PLEKHA5: variants seen among roughly 807,000 people sequenced by gnomAD.
PLEKHA5 encodes the protein pleckstrin homology domain-containing family A member 5.
Under a neutral mutation model 181.9 loss-of-function variants are expected in PLEKHA5, and 55 were observed. The observed-to-expected ratio is 0.30, with a 90% confidence interval of 0.24 to 0.38. The LOEUF (loss-of-function observed/expected upper bound fraction) is 0.38. PLEKHA5 is among the 10% of genes least tolerant of loss of function. PLEKHA5 has a pLI of 1.00. For missense variants in PLEKHA5, 1,432 were observed against 1,549.5 expected, an observed-to-expected ratio of 0.92 and a Z score of 1.27; for synonymous variants, 535 against 529.4, an observed-to-expected ratio of 1.01 and a Z score of -0.15.
Position 19,287,563 on chromosome 12 carries a change from A to G in PLEKHA5, c.1863+7A>G, listed in dbSNP as rs2077485969. The G allele has an allele frequency of 3.4e-6, 5 of 1,479,052 alleles. No homozygotes were observed. Among genetic ancestry groups the G allele is most frequent in the Non-Finnish European group, 4.7e-6 (5 of 1,060,420 alleles). 91.6% of individuals were successfully genotyped at this position (1,479,052 alleles called of 1,614,324 possible). On this transcript the variant is annotated splice_region_variant and intron_variant, in intron 13 of 31. Transcript: ENST00000429027. Reference sequence around the variant, plus strand: ...GAGCCTCCAAGGGAAAACGGTGAGTAATATCTTTATTTACCATACCATGTT... The same window carrying G: ...GAGCCTCCAAGGGAAAACGGTGAGTGATATCTTTATTTACCATACCATGTT...
intron 15 of PLEKHA5, 131 bp from the exon 16 acceptor site, chr12:19,314,683 A>G (rs147801060): frequency 1.5e-5 from 10 of 682,708 alleles, no homozygotes; most frequent in Non-Finnish European, 2.7e-5. Context: ...CTGTACAACC[A>G]TGGGGTAAAA....
Position 19,356,753 on chromosome 12 carries a change from C to T in PLEKHA5, c.3139-1475C>T, listed in dbSNP as rs373287956. On this transcript the variant is annotated intron_variant, in intron 26 of 31. Transcript: ENST00000429027. The stretch of plus-strand genomic sequence containing the variant: ...TCAGCTCATTGCAACCTCTGCCTCC[C>T]GGGTTCAAATGATTCTCCTGCCTCG... Among the ~76,000 whole-genome samples the T allele has an allele frequency of 2.3e-3, 352 of 150,244 alleles. 6 individuals are homozygous for T. In the South Asian group the frequency reaches 0.029, roughly 12 times the overall value.
chr12:19,154,157 GTT>G (rs777708009), intron 3 of PLEKHA5: 25 of 151,942 alleles, frequency 1.6e-4, no homozygotes, highest in Non-Finnish European at 1.5e-5. Context: ...GCCTTTATCT[GTT>G]TTGTCTGATT....
intron 3 of PLEKHA5, chr12:19,200,640 A>C: frequency 9.1e-7 from 1 of 1,094,596 alleles, no homozygotes; most frequent in African/African-American, 1.6e-5. Flanking sequence ...TCTTCAATCC[A>C]AATCTGTCTG....
At chr12:19,351,396 T>TA (rs1815609509) in intron 25 of PLEKHA5, among the ~76,000 whole-genome samples, 1 of 152,106 alleles carries the variant, frequency 6.6e-6, no homozygotes, top group Non-Finnish European at 1.5e-5. Context: ...AAAATGTATT[T>TA]AGCTTTTTTT....
At chr12:19,284,126 A>G (rs537675746) in intron 12 of PLEKHA5, among the ~76,000 whole-genome samples, 2 of 152,010 alleles carry the variant, frequency 1.3e-5, no homozygotes, top group African/African-American at 4.8e-5. Flanking sequence ...TGGAATGCAG[A>G]GGCATAATCT....
chr12:19,293,251 A>C (rs958764040), intron 15 of PLEKHA5, among the ~76,000 whole-genome samples: 4 of 152,250 alleles, frequency 2.6e-5, no homozygotes, highest in Non-Finnish European at 4.4e-5. Flanking sequence ...ATTTTGCATT[A>C]GGATAACCCT....
intron 10 of PLEKHA5, among the ~76,000 whole-genome samples, chr12:19,273,145 G>A (rs1180805711): frequency 3.9e-5 from 6 of 152,028 alleles, no homozygotes; most frequent in African/African-American, 1.4e-4. Context: ...CTGATCTTAG[G>A]TGATCCACCC....
chr12:19,165,110 A>G (rs1156768998), intron 3 of PLEKHA5, among the ~76,000 whole-genome samples: 2 of 152,014 alleles, frequency 1.3e-5, no homozygotes, highest in East Asian at 1.9e-4. Flanking sequence ...ACACTCACCC[A>G]CTCAAATTAT....
chr12:19,258,806 C>A (rs1410090321), intron 6 of PLEKHA5, among the ~76,000 whole-genome samples: 1 of 152,018 alleles, frequency 6.6e-6, no homozygotes, highest in Non-Finnish European at 1.5e-5. Context: ...CCTCAAATGA[C>A]CACCCACCTT....
chr12:19,133,658 C>T (rs2034697711), intron 3 of PLEKHA5, among the ~76,000 whole-genome samples: 1 of 151,798 alleles, frequency 6.6e-6, no homozygotes, highest in Non-Finnish European at 1.5e-5. Flanking sequence ...ACGTCAAGGG[C>T]TTTTTTATAA....
chr12:19,354,177 A>T, intron 26 of PLEKHA5, among the ~76,000 whole-genome samples, 175 bp downstream of exon 26: 1 of 42,146 alleles, frequency 2.4e-5, no homozygotes. Flanking sequence ...TTTGAGACGG[A>T]GTCTCGCTCT....
chr12:19,198,257 T>C (rs1302191793), intron 3 of PLEKHA5, among the ~76,000 whole-genome samples: 1 of 152,200 alleles, frequency 6.6e-6, no homozygotes, highest in East Asian at 1.9e-4. Flanking sequence ...CTAACCCTAG[T>C]TGACTTTTCT....
chr12:19,226,430 GT>G, intron 3 of PLEKHA5, among the ~76,000 whole-genome samples: 1 of 152,236 alleles, frequency 6.6e-6, no homozygotes, highest in Non-Finnish European at 1.5e-5. Flanking sequence ...TTGAATACCT[GT>G]TTTTAATTAT....
chr12:19,364,370 G>T (rs142884038), intron 29 of PLEKHA5, among the ~76,000 whole-genome samples: 1 of 151,922 alleles, frequency 6.6e-6, no homozygotes, highest in African/African-American at 2.4e-5. Flanking sequence ...AATTATCCGG[G>T]CATAGTGGTA....
intron 3 of PLEKHA5, among the ~76,000 whole-genome samples, chr12:19,215,597 A>G (rs1400609903): frequency 6.6e-6 from 1 of 152,208 alleles, no homozygotes; most frequent in African/African-American, 2.4e-5. Flanking sequence ...TCTTCTGAGA[A>G]CATTTCATAA....
intron 3 of PLEKHA5, among the ~76,000 whole-genome samples, chr12:19,233,505 TAC>T (rs1242997287): frequency 6.6e-6 from 1 of 152,134 alleles, no homozygotes; most frequent in Non-Finnish European, 1.5e-5. Context: ...AGTAAATTGG[TAC>T]CAATTTACGG....
intron 3 of PLEKHA5, among the ~76,000 whole-genome samples, chr12:19,249,102 G>C (rs905802412): frequency 3.9e-5 from 6 of 152,174 alleles, no homozygotes; most frequent in Admixed American, 3.9e-4. Context: ...GGAAACCAAA[G>C]TAGGAAGATC....
At chr12:19,366,986 TG>T (rs1388586947) in intron 30 of PLEKHA5, among the ~76,000 whole-genome samples, 3 of 151,804 alleles carry the variant, frequency 2.0e-5, no homozygotes, top group Non-Finnish European at 4.4e-5. Context: ...GGCGCTATCT[TG>T]GCTCACTGCA....
Sources: gnomAD v4.1 joint callset for allele counts (sites outside exome capture counted in the v4.1 genomes callset) on GRCh38, gnomAD v4.1.1 for gene constraint, MANE v1.5 for transcripts, NCBI Gene and HGNC (gene_info 2026-07-23, HGNC 2026-07-21) for gene names.